SGSM1: variants seen among roughly 807,000 people sequenced by gnomAD.
SGSM1 encodes small G protein signaling modulator 1, also known as RUN and TBC1 domain containing 2.
Under a neutral mutation model 133.8 loss-of-function variants are expected in SGSM1, and 73 were observed. The ratio of observed to expected loss-of-function variants is 0.55; its 90% CI spans 0.45 to 0.66. The LOEUF is 0.66. Among genes scored for constraint, SGSM1 ranks in the 30% least tolerant of loss-of-function variants. The pLI, the probability that SGSM1 is intolerant of heterozygous loss-of-function variation, is 0.00. For missense variants in SGSM1, 1,213 were observed against 1,448.1 expected, an observed-to-expected ratio of 0.84 and a Z score of 2.64; for synonymous variants, 563 against 573.0, an observed-to-expected ratio of 0.98 and a Z score of 0.25.
intron 9 of SGSM1, among the ~76,000 whole-genome samples, chr22:24,860,772 C>T (rs995435612): frequency 2.7e-5 from 4 of 150,236 alleles, no homozygotes; most frequent in Non-Finnish European, 5.9e-5. Context: ...TGGTGGCACA[C>T]ACCTGTAGTC....
intron 16 of SGSM1, among the ~76,000 whole-genome samples, chr22:24,890,292 T>C (rs1183766692): frequency 2.6e-5 from 4 of 152,216 alleles, no homozygotes; most frequent in Non-Finnish European, 5.9e-5. Flanking sequence ...TTTCAACTTA[T>C]GATGCATTTA....
chr22:24,874,423 G>C lies in SGSM1; in HGVS notation c.1292-2154G>C, dbSNP rs186909479. The C allele has an allele frequency of 1.9e-6, 3 of 1,608,974 alleles. No individual in the cohort carries two copies. In the East Asian group the frequency reaches 6.7e-5, roughly 36 times the overall value. ...CTGTTTTGTGTCTCAAGTTGCCCCCGACTTCTTGGGCAGCACTTCCTCCGT... is the reference window on the plus strand; with the variant it reads ...CTGTTTTGTGTCTCAAGTTGCCCCCCACTTCTTGGGCAGCACTTCCTCCGT... On this transcript the variant is annotated intron_variant, in intron 12 of 24. Transcript: ENST00000400358.
intron 12 of SGSM1, among the ~76,000 whole-genome samples, chr22:24,876,179 C>G (rs1932015250): frequency 6.6e-6 from 1 of 152,234 alleles, no homozygotes; most frequent in Admixed American, 6.5e-5. Flanking sequence ...GTCAGGCTCC[C>G]TTCCATCTCA....
chr22:24,816,417 C>CTTTTTTTTTT (rs3062145), intron 2 of SGSM1, among the ~76,000 whole-genome samples: 20 of 130,102 alleles, frequency 1.5e-4, no homozygotes, highest in African/African-American at 4.2e-4. Flanking sequence ...TTTTTTCTTT[C>CTTTTTTTTTT]TTTTTTTTTT....
intron 7 of SGSM1, 57 bp downstream of exon 7, chr22:24,855,487 G>A: frequency 6.2e-7 from 1 of 1,612,972 alleles, no homozygotes; most frequent in Non-Finnish European, 8.5e-7. Flanking sequence ...GCAGGAAGCA[G>A]GGTAGGAGCC....
In SGSM1 at chr22:24,869,528, A is replaced by G. The variant is rs372855906; in HGVS notation, c.1291+673A>G. ...AAAGTGAAGGCCTGTCTCAAAATAA[A>G]TGCAAATTAAAATACTTTTTAAATG... On this transcript the variant is annotated intron_variant, in intron 12 of 24. Coordinates refer to ENST00000400358, the MANE Select transcript of SGSM1 (RefSeq NM_001098497.3). Among the ~76,000 whole-genome samples the G allele has an allele frequency of 4.5e-4, 69 of 152,320 alleles. No individual in the cohort carries two copies. In the South Asian group the frequency reaches 0.013, roughly 28 times the overall value.
At chr22:24,876,438 T>C (rs1932027048) in intron 12 of SGSM1, 139 bp from the exon 13 acceptor site, 13 of 1,125,686 alleles carry the variant, frequency 1.2e-5, no homozygotes, top group Non-Finnish European at 1.4e-5. Context: ...GGCTGCTGTT[T>C]CCTACTGTCA....
chr22:24,888,579 C>T (rs1464776955), intron 16 of SGSM1, among the ~76,000 whole-genome samples: 1 of 151,990 alleles, frequency 6.6e-6, no homozygotes, highest in South Asian at 2.1e-4. Context: ...ACCAGCCTGA[C>T]CAACATAGCA....
intron 3 of SGSM1, among the ~76,000 whole-genome samples, chr22:24,845,937 T>C (rs1038545178): frequency 7.1e-6 from 1 of 140,332 alleles, no homozygotes; most frequent in African/African-American, 2.7e-5. Context: ...TTTCTTTTCT[T>C]TTCTTTTCTT....
chr22:24,898,579 C>T lies in SGSM1; in HGVS notation c.2610+20C>T, dbSNP rs544397549. ...TACTCTGTAAGTCACCAGGACCCTC[C>T]GTTCCATTTCCTTCTTTCCAGCTGC... On this transcript the variant is annotated intron_variant, in intron 19 of 24. Coordinates refer to ENST00000400358, the MANE Select transcript of SGSM1 (RefSeq NM_001098497.3). 113 of 1,563,858 alleles carry T rather than the reference C, an allele frequency of 7.2e-5. 3 individuals carry two copies. In the South Asian group the frequency reaches 1.2e-3, roughly 16 times the overall value.
At position 24,862,406 on chromosome 22, in the gene SGSM1, A is replaced by T. The variant is rs575663063; in HGVS notation, c.926+2566A>T. 1.5e-4 allele frequency among the ~76,000 whole-genome samples: 23 copies of T among 152,246 alleles called. No homozygotes were observed. In the South Asian group the frequency reaches 3.7e-3, roughly 25 times the overall value. ...CACACAAGCCCTGAATCTCCATTGT[A>T]GCATTTAGAAGATTGTAGTCACACA... is the stretch of plus-strand genomic sequence containing the variant. On this transcript the variant is annotated intron_variant, in intron 9 of 24. Coordinates refer to ENST00000400358, the MANE Select transcript of SGSM1 (RefSeq NM_001098497.3).
intron 12 of SGSM1, among the ~76,000 whole-genome samples, chr22:24,872,349 C>T (rs1175671223): frequency 6.6e-6 from 1 of 152,058 alleles, no homozygotes. Flanking sequence ...ATTTTCAGAC[C>T]CCTCTGCTTC....
chr22:24,825,138 C>T (rs966674175), intron 2 of SGSM1, among the ~76,000 whole-genome samples: 2 of 152,068 alleles, frequency 1.3e-5, no homozygotes, highest in African/African-American at 4.8e-5. Flanking sequence ...TTGCAGCTAG[C>T]CAGCTGGAGC....
Position 24,879,542 on chromosome 22 carries a change from C to T in SGSM1, c.1495+16C>T. 6.2e-7 allele frequency: 1 copy of T among 1,611,770 alleles called. No individual in the cohort carries two copies. Among genetic ancestry groups the T allele is most frequent in the African/African-American group, 1.3e-5 (1 of 75,048 alleles). On this transcript the variant is annotated intron_variant, in intron 14 of 24. Transcript: ENST00000400358. ...TTCTATGGATGTACGTATAGGGCTC[C>T]ATTGCCAGTGTGTCTCCGTGGAGCA... is the stretch of plus-strand genomic sequence containing the variant.
intron 2 of SGSM1, among the ~76,000 whole-genome samples, chr22:24,840,506 G>T (rs1929725574): frequency 6.6e-6 from 1 of 151,776 alleles, no homozygotes; most frequent in Non-Finnish European, 1.5e-5. Context: ...ATCATGTCCG[G>T]CTAATTTTTG....
At chr22:24,921,104 C>CTT (rs879437883) in intron 24 of SGSM1, among the ~76,000 whole-genome samples, 1 of 146,230 alleles carries the variant, frequency 6.8e-6, no homozygotes, top group Non-Finnish European at 1.5e-5. Context: ...TTCATATAAT[C>CTT]TTTTTTTTTT....
intron 16 of SGSM1, among the ~76,000 whole-genome samples, chr22:24,888,708 G>C (rs1026956898): frequency 7.2e-5 from 11 of 152,042 alleles, no homozygotes; most frequent in Non-Finnish European, 1.5e-4. Flanking sequence ...GAACCTGGGA[G>C]GTGGAGGTTG....
intron 22 of SGSM1, among the ~76,000 whole-genome samples, chr22:24,916,281 A>T (rs2123742986): frequency 6.6e-6 from 1 of 152,296 alleles, no homozygotes; most frequent in Middle Eastern, 3.4e-3. Context: ...TGCCTTTTCT[A>T]AACATTTCAT....
At chr22:24,905,714 G>A (rs1254775256) in intron 21 of SGSM1, among the ~76,000 whole-genome samples, 2 of 149,730 alleles carry the variant, frequency 1.3e-5, no homozygotes, top group Admixed American at 6.6e-5. Context: ...GCGTGAACCC[G>A]GGAGGTGGAG....
Sources: gnomAD v4.1 joint callset for allele counts (sites outside exome capture counted in the v4.1 genomes callset) on GRCh38, gnomAD v4.1.1 for gene constraint, MANE v1.5 for transcripts, NCBI Gene and HGNC (gene_info 2026-07-23, HGNC 2026-07-21) for gene names.